CSMD1: variants seen among roughly 807,000 people sequenced by gnomAD.
The protein encoded by CSMD1 is CUB and Sushi multiple domains 1.
In CSMD1, 213 loss-of-function variants were observed where a neutral mutation model predicts 417.5. The observed-to-expected ratio is 0.51, with a 90% CI of 0.46 to 0.57. The LOEUF is 0.57. CSMD1 is among the 20% of genes least tolerant of loss of function. The pLI is 0.00. For synonymous variants in CSMD1, 2,862 were observed against 1,736.8 expected (o/e 1.65, Z -16.11); for missense variants, 6,923 against 4,529.7 (o/e 1.53, Z -15.17).
intron 3 of CSMD1, among the ~76,000 whole-genome samples, chr8:4,196,179 C>G (rs1379948258): frequency 6.6e-6 from 1 of 152,086 alleles, no homozygotes; most frequent in East Asian, 1.9e-4. Flanking sequence ...CCACTGCACT[C>G]CAGCCTGGGC....
chr8:3,724,947 T>C (rs1222450859), intron 6 of CSMD1, among the ~76,000 whole-genome samples: 1 of 152,204 alleles, frequency 6.6e-6, no homozygotes, highest in African/African-American at 2.4e-5. Context: ...CTTTTTAAAA[T>C]ATGTTGATGA....
At chr8:3,542,043 A>G (rs1033933364) in intron 10 of CSMD1, among the ~76,000 whole-genome samples, 15 of 152,160 alleles carry the variant, frequency 9.9e-5, no homozygotes, top group Admixed American at 4.6e-4. Flanking sequence ...GTTGTTAATT[A>G]TCTACTTCCA....
intron 3 of CSMD1, among the ~76,000 whole-genome samples, chr8:4,163,807 A>G (rs904150003): frequency 6.6e-6 from 1 of 152,162 alleles, no homozygotes; most frequent in Non-Finnish European, 1.5e-5. Context: ...TTACATTTTA[A>G]TTTTCTACAC....
In CSMD1 at chr8:3,830,763, C is replaced by T. The variant is rs534909566; in HGVS notation, c.819-76721G>A. 4.6e-5 allele frequency among the ~76,000 whole-genome samples: 7 copies of T among 152,236 alleles called. No homozygotes were observed. The East Asian group carries it at 1.2e-3, about 25-fold the overall frequency. ...TAATAATTATTCAAAAGAACTTAAT[C>T]TCAAGATGAATGGATATGCACGCCA... On this transcript the variant is annotated intron_variant, in intron 5 of 69. Transcript: ENST00000635120.
At chr8:3,733,297 A>AAT (rs1227391788) in intron 6 of CSMD1, among the ~76,000 whole-genome samples, 2 of 147,472 alleles carry the variant, frequency 1.4e-5, no homozygotes, top group Non-Finnish European at 3.0e-5. Context: ...TATACATATG[A>AAT]ATATATATAC....
intron 1 of CSMD1, among the ~76,000 whole-genome samples, chr8:4,745,402 T>C (rs924683656): frequency 2.0e-5 from 3 of 152,210 alleles, no homozygotes; most frequent in African/African-American, 4.8e-5. Flanking sequence ...GTATTAAATA[T>C]AAATATGTAG....
At chr8:4,779,053 G>T (rs1253580998) in intron 1 of CSMD1, among the ~76,000 whole-genome samples, 1 of 152,184 alleles carries the variant, frequency 6.6e-6, no homozygotes, top group African/African-American at 2.4e-5. Flanking sequence ...TTCAGGAATT[G>T]ACAGCTGTAC....
chr8:4,018,403 G>T (rs1354024711), intron 4 of CSMD1, among the ~76,000 whole-genome samples: 1 of 152,114 alleles, frequency 6.6e-6, no homozygotes. Flanking sequence ...TTCCTGCCTC[G>T]ATTCCTGTTC....
intron 1 of CSMD1, among the ~76,000 whole-genome samples, chr8:4,975,606 G>T (rs1014257304): frequency 6.6e-6 from 1 of 152,152 alleles, no homozygotes; most frequent in Non-Finnish European, 1.5e-5. Context: ...CATCCTGTAG[G>T]CTCCAGGTAC....
chr8:4,357,564 G>A (rs528961761), intron 3 of CSMD1, among the ~76,000 whole-genome samples: 2 of 152,152 alleles, frequency 1.3e-5, no homozygotes, highest in South Asian at 4.2e-4. Flanking sequence ...AAAAAAATCT[G>A]TCATTCTCCA....
At chr8:3,399,274 G>C in intron 16 of CSMD1, 117 bp downstream of exon 16, 2 of 847,658 alleles carry the variant, frequency 2.4e-6, no homozygotes, top group Admixed American at 5.2e-5. Context: ...GGTAAAGTGT[G>C]CTCCTATGCG....
intron 10 of CSMD1, among the ~76,000 whole-genome samples, chr8:3,571,937 G>C (rs978468866): frequency 1.3e-5 from 2 of 152,176 alleles, no homozygotes; most frequent in African/African-American, 4.8e-5. Context: ...TGAAGTTACT[G>C]CGTGTTCAAG....
intron 7 of CSMD1, among the ~76,000 whole-genome samples, chr8:3,668,365 T>G (rs896386655): frequency 6.6e-6 from 1 of 151,732 alleles, no homozygotes; most frequent in Admixed American, 6.6e-5. Flanking sequence ...ACGGATGGAG[T>G]CCCCAGACCC....
At chr8:3,033,302 A>C (rs62490491) in intron 50 of CSMD1, among the ~76,000 whole-genome samples, 1 of 151,826 alleles carries the variant, frequency 6.6e-6, no homozygotes, top group Admixed American at 6.6e-5. Context: ...TTGATAATCT[A>C]CATTCAACAC....
At chr8:3,099,103 C>A (rs1412464915) in intron 46 of CSMD1, among the ~76,000 whole-genome samples, 1 of 152,080 alleles carries the variant, frequency 6.6e-6, no homozygotes, top group Non-Finnish European at 1.5e-5. Flanking sequence ...ACCCTTCCCC[C>A]AAGCCTCTTT....
intron 2 of CSMD1, among the ~76,000 whole-genome samples, chr8:4,456,409 A>C (rs1211804346): frequency 1.3e-5 from 2 of 152,192 alleles, no homozygotes; most frequent in African/African-American, 4.8e-5. Context: ...CAAGATATCG[A>C]CTTCTTAGAA....
At chr8:3,762,766 GAGAA>G (rs934527890) in intron 5 of CSMD1, among the ~76,000 whole-genome samples, 2 of 152,214 alleles carry the variant, frequency 1.3e-5, no homozygotes, top group African/African-American at 4.8e-5. Flanking sequence ...TTCCCAGAGA[GAGAA>G]AGAGTTAAGC....
intron 2 of CSMD1, among the ~76,000 whole-genome samples, chr8:4,562,418 C>T (rs1372617473): frequency 6.6e-6 from 1 of 152,104 alleles, no homozygotes; most frequent in South Asian, 2.1e-4. Flanking sequence ...TATTTTAATT[C>T]TTTAATCAGA....
chr8:3,641,132 C>T (rs1797287012), intron 7 of CSMD1, among the ~76,000 whole-genome samples: 1 of 145,802 alleles, frequency 6.9e-6, no homozygotes, highest in Non-Finnish European at 1.5e-5. Flanking sequence ...GCAGAAGGTG[C>T]TCAGACAGAC....
Sources: gnomAD v4.1 joint callset for allele counts (sites outside exome capture counted in the v4.1 genomes callset) on GRCh38, gnomAD v4.1.1 for gene constraint, MANE v1.5 for transcripts, NCBI Gene and HGNC (gene_info 2026-07-23, HGNC 2026-07-21) for gene names.